The following MGMT variants were observed in gnomAD, a reference collection of about 807,000 sequenced individuals.
MGMT encodes the protein methylated-DNA--protein-cysteine methyltransferase.
A neutral mutation model predicts 15.9 loss-of-function variants in MGMT; 14 were observed. The observed-to-expected ratio is 0.88, with a 90% CI of 0.58 to 1.37. The LOEUF (loss-of-function observed/expected upper bound fraction) is 1.37, where lower values mean the gene tolerates loss of function less well. Among genes scored for constraint, MGMT ranks in the 40% most tolerant of loss-of-function variants. The pLI, the probability that MGMT is intolerant of heterozygous loss-of-function variation, is 0.00. For synonymous variants in MGMT, 130 were observed against 118.2 expected (o/e 1.10, Z -0.65); for missense variants, 282 against 268.1 (o/e 1.05, Z -0.36).
intron 1 of MGMT, among the ~76,000 whole-genome samples, chr10:129,512,160 G>A (rs948929982): frequency 1.5e-4 from 23 of 152,168 alleles, no homozygotes; most frequent in East Asian, 1.9e-4. Flanking sequence ...TAGAGGCGGC[G>A]AGGTGTTGGC....
intron 2 of MGMT, among the ~76,000 whole-genome samples, chr10:129,610,384 A>G (rs568349468): frequency 1.3e-5 from 2 of 152,310 alleles, no homozygotes; most frequent in East Asian, 3.9e-4. Context: ...TGCTCCAGCC[A>G]TGCTGCCCTC....
intron 1 of MGMT, among the ~76,000 whole-genome samples, chr10:129,474,392 G>A (rs140577536): frequency 1.8e-3 from 279 of 152,300 alleles, no homozygotes; most frequent in Middle Eastern, 0.01. Context: ...TGGTGAGAGC[G>A]GAGCAGGTGG....
chr10:129,469,166 A>C (rs1039785435), intron 1 of MGMT, among the ~76,000 whole-genome samples: 1 of 152,078 alleles, frequency 6.6e-6, no homozygotes, highest in Non-Finnish European at 1.5e-5. Context: ...GGGCCTGAAA[A>C]AGAACTTGCC....
intron 2 of MGMT, among the ~76,000 whole-genome samples, chr10:129,574,874 C>T (rs1846461913): frequency 6.6e-6 from 1 of 152,148 alleles, no homozygotes; most frequent in Non-Finnish European, 1.5e-5. Flanking sequence ...TGTCAGATCT[C>T]TTACATCTAA....
chr10:129,753,827 T>G (rs1848776036), intron 3 of MGMT, among the ~76,000 whole-genome samples: 1 of 152,216 alleles, frequency 6.6e-6, no homozygotes, highest in African/African-American at 2.4e-5. Flanking sequence ...ATTTTTCTGA[T>G]TATTTGCATG....
At chr10:129,666,620 A>G (rs1057068619) in intron 2 of MGMT, among the ~76,000 whole-genome samples, 1 of 152,222 alleles carries the variant, frequency 6.6e-6, no homozygotes, top group African/African-American at 2.4e-5. Flanking sequence ...CCATTCTGCT[A>G]AATTCTCTTA....
At chr10:129,527,884 C>T (rs1845888098) in intron 1 of MGMT, among the ~76,000 whole-genome samples, 1 of 152,092 alleles carries the variant, frequency 6.6e-6, no homozygotes, top group Non-Finnish European at 1.5e-5. Flanking sequence ...ATGCTCTGTG[C>T]TGCTTCCAGC....
chr10:129,494,048 G>C (rs1258348984), intron 1 of MGMT, among the ~76,000 whole-genome samples: 1 of 152,118 alleles, frequency 6.6e-6, no homozygotes, highest in Non-Finnish European at 1.5e-5. Flanking sequence ...TCCATTGTTA[G>C]GAATTTAGGG....
intron 2 of MGMT, among the ~76,000 whole-genome samples, chr10:129,591,196 G>A (rs982082194): frequency 3.3e-5 from 5 of 152,188 alleles, no homozygotes; most frequent in Non-Finnish European, 4.4e-5. Context: ...ATGAGTGGCC[G>A]TGTTTCAAAT....
chr10:129,729,961 C>T (rs1171562014), intron 3 of MGMT, among the ~76,000 whole-genome samples: 3 of 152,180 alleles, frequency 2.0e-5, no homozygotes, highest in Non-Finnish European at 4.4e-5. Flanking sequence ...TATGAGGTGT[C>T]TGCTGGGCGT....
intron 2 of MGMT, among the ~76,000 whole-genome samples, chr10:129,677,921 A>T (rs1055708003): frequency 6.6e-6 from 1 of 152,076 alleles, no homozygotes; most frequent in Non-Finnish European, 1.5e-5. Flanking sequence ...AGGAGCGGTG[A>T]TAAGTTTAGA....
intron 2 of MGMT, among the ~76,000 whole-genome samples, chr10:129,564,571 TATTTTCCTCCTCCTCCCCCTC>T (rs1347953037): frequency 1.4e-4 from 10 of 71,418 alleles, no homozygotes; most frequent in Non-Finnish European, 1.8e-4. Flanking sequence ...TCCTCCTCAT[TATTTTCCTCCTCCTCCCCCTC>T]ATTTTCCTCC....
At chr10:129,623,634 C>G (rs1391823739) in intron 2 of MGMT, among the ~76,000 whole-genome samples, 1 of 151,900 alleles carries the variant, frequency 6.6e-6, no homozygotes, top group African/African-American at 2.4e-5. Flanking sequence ...CTCAAGTGAT[C>G]CCTCCCACCT....
chr10:129,665,348 C>T (rs1032608306), intron 2 of MGMT, among the ~76,000 whole-genome samples: 3 of 151,124 alleles, frequency 2.0e-5, no homozygotes, highest in African/African-American at 7.3e-5. Context: ...TACTCAGAGT[C>T]TCCCCAAGCC....
At chr10:129,629,624 T>G (rs1216254129) in intron 2 of MGMT, among the ~76,000 whole-genome samples, 1 of 152,222 alleles carries the variant, frequency 6.6e-6, no homozygotes, top group Non-Finnish European at 1.5e-5. Flanking sequence ...TTAGGATCTT[T>G]AGGATCACTG....
rs556501179 is a variant in MGMT at position 129,530,774 on chromosome 10, C to T, written c.-12-5467C>T. Among the ~76,000 whole-genome samples the T allele has an allele frequency of 2.6e-5, 4 of 152,354 alleles. No homozygotes were observed. The East Asian group carries it at 5.8e-4, about 22-fold the overall frequency. On this transcript the variant is annotated intron_variant, in intron 1 of 4. Coordinates refer to ENST00000651593, the MANE Select transcript of MGMT (RefSeq NM_002412.5). ...GGCCCGAGGGTGGCTGTGTCCCCCA[C>T]GCCTCTCCAGGCACACCAGGCCTCA... is the stretch of plus-strand genomic sequence containing the variant.
At chr10:129,737,194 A>G (rs1848573540) in intron 3 of MGMT, among the ~76,000 whole-genome samples, 2 of 152,216 alleles carry the variant, frequency 1.3e-5, no homozygotes, top group Non-Finnish European at 1.5e-5. Flanking sequence ...TTTCAGGTAC[A>G]CCAATCAGAC....
At chr10:129,700,003 A>C (rs1407475458) in intron 2 of MGMT, 3 of 152,210 alleles carry the variant, frequency 2.0e-5, no homozygotes, top group African/African-American at 7.2e-5. Flanking sequence ...ACGTAAACTT[A>C]AGCATATTTT....
At chr10:129,712,142 C>T (rs971113124) in intron 3 of MGMT, among the ~76,000 whole-genome samples, 5 of 152,146 alleles carry the variant, frequency 3.3e-5, no homozygotes, top group African/African-American at 1.2e-4. Flanking sequence ...GGTCCCTGAG[C>T]CCTCCCACCC....
Sources: gnomAD v4.1 joint callset for allele counts (sites outside exome capture counted in the v4.1 genomes callset) on GRCh38, gnomAD v4.1.1 for gene constraint, MANE v1.5 for transcripts, NCBI Gene and HGNC (gene_info 2026-07-23, HGNC 2026-07-21) for gene names.